The following GPR39 variants were observed in gnomAD, a reference collection of about 807,000 sequenced individuals.
GPR39 encodes the protein G protein-coupled receptor 39.
In GPR39, 23 loss-of-function variants were observed where a neutral mutation model predicts 18.4. The observed-to-expected ratio is 1.25, with a 90% CI of 0.90 to 1.77. The LOEUF is 1.77. Ranked by LOEUF, GPR39 falls within the 40% of genes most tolerant of loss-of-function variation. The pLI, the probability that GPR39 is intolerant of heterozygous loss-of-function variation, is 0.00. For synonymous variants in GPR39, 280 were observed against 257.9 expected (o/e 1.09, Z -0.82); for missense variants, 647 against 602.4 (o/e 1.07, Z -0.78).
intron 1 of GPR39, among the ~76,000 whole-genome samples, chr2:132,550,022 AG>A: frequency 8.7e-6 from 1 of 115,460 alleles, no homozygotes; most frequent in Non-Finnish European, 1.8e-5. Context: ...AGGGAGACAG[AG>A]TATTCTGAAA....
chr2:132,539,877 C>T lies in GPR39; in HGVS notation c.857-105224C>T, dbSNP rs79807928. Among the ~76,000 whole-genome samples, 550 of 152,246 alleles carry T rather than the reference C, an allele frequency of 3.6e-3. 1 individual carries two copies. The highest frequency in any genetic ancestry group is 0.012 in the African/African-American group (497 of 41,530). ...ATGCTGTGACTACCTTTAGAAAATA[C>T]GGTTCACATAGGAGGTTTCCAGGCA... On this transcript the variant is annotated intron_variant, in intron 1 of 1. Coordinates refer to ENST00000329321, the MANE Select transcript of GPR39 (RefSeq NM_001508.3).
chr2:132,527,658 T>C (rs1298465279), intron 1 of GPR39, among the ~76,000 whole-genome samples: 1 of 152,262 alleles, frequency 6.6e-6, no homozygotes, highest in African/African-American at 2.4e-5. Flanking sequence ...TGGTATCTCA[T>C]TGTGGTTTTG....
At chr2:132,426,693 G>A (rs989821447) in intron 1 of GPR39, among the ~76,000 whole-genome samples, 2 of 152,192 alleles carry the variant, frequency 1.3e-5, no homozygotes, top group African/African-American at 4.8e-5. Context: ...AAAAAGTCTT[G>A]TTTGTACTTA....
intron 1 of GPR39, among the ~76,000 whole-genome samples, chr2:132,571,892 G>T (rs1038086902): frequency 2.6e-5 from 4 of 152,188 alleles, no homozygotes; most frequent in Non-Finnish European, 4.4e-5. Flanking sequence ...ATGCATCTTG[G>T]AATAGCCTGC....
intron 1 of GPR39, among the ~76,000 whole-genome samples, chr2:132,451,174 T>TGTGTGTGTGTGTGTGTGTGTGC (rs3219552): frequency 1.3e-4 from 20 of 150,464 alleles, no homozygotes; most frequent in African/African-American, 4.4e-4. Context: ...TGTGTGTGTG[T>TGTGTGTGTGTGTGTGTGTGTGC]GCACGCGCGT....
intron 1 of GPR39, among the ~76,000 whole-genome samples, chr2:132,518,278 G>C (rs559491175): frequency 6.6e-6 from 1 of 152,276 alleles, no homozygotes; most frequent in African/African-American, 2.4e-5. Flanking sequence ...AAGGATCAAG[G>C]TGTTATCCAT....
At chr2:132,506,162 T>A (rs866983066) in intron 1 of GPR39, among the ~76,000 whole-genome samples, 17 of 27,224 alleles carry the variant, frequency 6.2e-4, no homozygotes, top group African/African-American at 2.3e-3. Flanking sequence ...ATGCTGAGCA[T>A]TTTTTTTTCA....
chr2:132,589,848 C>T (rs1482183101), intron 1 of GPR39, among the ~76,000 whole-genome samples: 2 of 152,168 alleles, frequency 1.3e-5, no homozygotes, highest in Admixed American at 6.5e-5. Flanking sequence ...CTGGTTCTAT[C>T]TCAGTGATGA....
chr2:132,587,570 C>T (rs906523722), intron 1 of GPR39, among the ~76,000 whole-genome samples: 16 of 152,248 alleles, frequency 1.1e-4, no homozygotes, highest in African/African-American at 2.6e-4. Context: ...CTTGCTCTAT[C>T]GGCCAGGCTG....
chr2:132,456,412 T>C (rs1055323129), intron 1 of GPR39, among the ~76,000 whole-genome samples: 3 of 152,246 alleles, frequency 2.0e-5, no homozygotes, highest in African/African-American at 7.2e-5. Context: ...AGCACACTGA[T>C]GGGTCTTGAC....
chr2:132,502,199 C>T (rs1042487592), intron 1 of GPR39, among the ~76,000 whole-genome samples: 12 of 152,052 alleles, frequency 7.9e-5, no homozygotes, highest in Non-Finnish European at 1.3e-4. Flanking sequence ...TAAGAAGGTT[C>T]TATTTTGATG....
chr2:132,563,832 G>A (rs1680298987), intron 1 of GPR39, among the ~76,000 whole-genome samples: 1 of 145,534 alleles, frequency 6.9e-6, no homozygotes, highest in African/African-American at 2.5e-5. Context: ...GCTGAGGATT[G>A]CTCCTCTAAC....
chr2:132,538,944 G>C (rs367961995), intron 1 of GPR39, among the ~76,000 whole-genome samples: 2 of 152,172 alleles, frequency 1.3e-5, no homozygotes, highest in South Asian at 2.1e-4. Context: ...TCCGACTCCA[G>C]ACTGTTGTGC....
intron 1 of GPR39, among the ~76,000 whole-genome samples, chr2:132,622,762 C>T (rs1399662141): frequency 6.6e-6 from 1 of 152,178 alleles, no homozygotes; most frequent in Non-Finnish European, 1.5e-5. Flanking sequence ...TGCCACCCAT[C>T]ATGTGATGCC....
rs1406351672 is a variant in GPR39, at chr2:132,646,360, G to T, written c.*754G>T. The T allele has an allele frequency of 3.1e-6, 3 of 972,180 alleles. No individual in the cohort carries two copies. The Admixed American group carries it at 1.2e-4, about 38-fold the overall frequency. 60.2% of individuals were successfully genotyped at this position (972,180 alleles called of 1,614,324 possible). A position where few individuals can be genotyped will look rare whatever the true frequency, so the allele number is the denominator to read the frequency against. ...GTCCCTCTCAGCCCAAATCCAAACG[G>T]ACAGCTCTTCCTTACTCCTCCCACA... On this transcript the variant is annotated 3_prime_UTR_variant, in exon 2 of 2. Transcript: ENST00000329321.
intron 1 of GPR39, among the ~76,000 whole-genome samples, chr2:132,561,260 T>C (rs867722779): frequency 2.0e-5 from 3 of 152,216 alleles, no homozygotes; most frequent in South Asian, 4.1e-4. Flanking sequence ...TTTTCTCTCC[T>C]AAACCTGCTT....
At chr2:132,617,298 A>G (rs56106823) in intron 1 of GPR39, among the ~76,000 whole-genome samples, 2,096 of 151,900 alleles carry the variant, frequency 0.014, 64 homozygotes, top group African/African-American at 0.048. Flanking sequence ...AATAATATAC[A>G]CTATTGGATT....
chr2:132,434,592 T>G (rs984314992), intron 1 of GPR39, among the ~76,000 whole-genome samples: 5 of 152,136 alleles, frequency 3.3e-5, no homozygotes, highest in Non-Finnish European at 7.3e-5. Context: ...CATAAAGACC[T>G]TTAAGTCTCA....
intron 1 of GPR39, among the ~76,000 whole-genome samples, chr2:132,551,317 C>A (rs12105592): frequency 1.5e-4 from 23 of 152,154 alleles, no homozygotes; most frequent in African/African-American, 5.3e-4. Flanking sequence ...TCCAAGAAGT[C>A]TTCTGTTTAG....
Sources: allele counts gnomAD v4.1 joint callset (sites outside exome capture counted in the v4.1 genomes callset), GRCh38; gene constraint gnomAD v4.1.1; transcripts MANE v1.5; gene names NCBI Gene and HGNC (gene_info 2026-07-23, HGNC 2026-07-21).